The following KAZN variants were observed in gnomAD, a reference collection of about 807,000 sequenced individuals.
KAZN encodes the protein kazrin.
Under a neutral mutation model 87.4 loss-of-function variants are expected in KAZN, and 40 were observed. The observed-to-expected ratio is 0.46, with a 90% CI of 0.36 to 0.60. KAZN has a LOEUF of 0.60. Ranked by LOEUF, KAZN falls within the 20% of genes least tolerant of loss-of-function variation. The pLI is 0.00. For missense variants in KAZN, 898 were observed against 1,073.9 expected, an observed-to-expected ratio of 0.84 and a Z score of 2.29; for synonymous variants, 466 against 458.3, an observed-to-expected ratio of 1.02 and a Z score of -0.22.
At chr1:14,103,011 G>C (rs6676053) in intron 1 of KAZN, among the ~76,000 whole-genome samples, 3,049 of 151,718 alleles carry the variant, frequency 0.02, 87 homozygotes, top group South Asian at 0.066. Flanking sequence ...TGGGTTCAAA[G>C]GATTCTCATG....
intron 1 of KAZN, among the ~76,000 whole-genome samples, chr1:14,850,619 G>A (rs778947470): frequency 2.7e-4 from 41 of 152,250 alleles, no homozygotes; most frequent in South Asian, 1.0e-3. Flanking sequence ...GTTTGCTTTC[G>A]CTGTTGCAAA....
chr1:14,067,393 C>T (rs899705608), intron 1 of KAZN, among the ~76,000 whole-genome samples: 10 of 152,166 alleles, frequency 6.6e-5, no homozygotes, highest in African/African-American at 1.9e-4. Context: ...GAGACTAAAG[C>T]TTTGAAGTTA....
At chr1:14,664,458 AG>A (rs1357007646) in intron 1 of KAZN, among the ~76,000 whole-genome samples, 1 of 152,114 alleles carries the variant, frequency 6.6e-6, no homozygotes, top group Non-Finnish European at 1.5e-5. Flanking sequence ...GGCGGTTGCC[AG>A]GGGCAACCAT....
At chr1:14,840,994 T>C (rs1478674609) in intron 1 of KAZN, among the ~76,000 whole-genome samples, 1 of 152,198 alleles carries the variant, frequency 6.6e-6, no homozygotes, top group East Asian at 1.9e-4. Flanking sequence ...TTAATTCTGA[T>C]AGTGTAAGCA....
chr1:15,018,881 T>C (rs1179002990), intron 2 of KAZN, among the ~76,000 whole-genome samples: 1 of 152,234 alleles, frequency 6.6e-6, no homozygotes, highest in African/African-American at 2.4e-5. Flanking sequence ...CTGTGGATTC[T>C]AAAGCTCATC....
chr1:14,114,016 C>T (rs570904052), intron 1 of KAZN, among the ~76,000 whole-genome samples: 6 of 152,274 alleles, frequency 3.9e-5, no homozygotes, highest in African/African-American at 9.6e-5. Flanking sequence ...TGGCAGCAAA[C>T]GTCCAGGGGA....
At chr1:14,446,721 G>T (rs904314714) in intron 2 of KAZN, among the ~76,000 whole-genome samples, 1 of 152,112 alleles carries the variant, frequency 6.6e-6, no homozygotes, top group Non-Finnish European at 1.5e-5. Flanking sequence ...TCAGTCTAGT[G>T]CAAACCTCTC....
At chr1:14,208,766 G>A (rs1217688331) in intron 2 of KAZN, among the ~76,000 whole-genome samples, 3 of 152,160 alleles carry the variant, frequency 2.0e-5, no homozygotes, top group African/African-American at 7.2e-5. Context: ...AACATGCTGA[G>A]GGTCTCCTAG....
chr1:14,799,917 G>A (rs1205661577), intron 1 of KAZN, among the ~76,000 whole-genome samples: 3 of 152,262 alleles, frequency 2.0e-5, no homozygotes, highest in East Asian at 3.9e-4. Flanking sequence ...TAATGAAACG[G>A]TATTAGATAA....
At chr1:14,569,367 G>A (rs1296448171) in intron 2 of KAZN, among the ~76,000 whole-genome samples, 2 of 122,770 alleles carry the variant, frequency 1.6e-5, no homozygotes, top group Non-Finnish European at 3.1e-5. Flanking sequence ...CTGTCACCCA[G>A]GCTGGAGTGC....
At chr1:14,399,165 G>GTTTGTTTATTTATT (rs1358766642) in intron 2 of KAZN, among the ~76,000 whole-genome samples, 1 of 151,864 alleles carries the variant, frequency 6.6e-6, no homozygotes, top group African/African-American at 2.4e-5. Context: ...TGCCTGGCTA[G>GTTTGTTTATTTATT]TTTATTTATT....
At chr1:14,152,078 A>C (rs1452131200) in intron 1 of KAZN, among the ~76,000 whole-genome samples, 1 of 152,210 alleles carries the variant, frequency 6.6e-6, no homozygotes, top group Non-Finnish European at 1.5e-5. Context: ...TTTATGGGGT[A>C]TGTGAGATAT....
At position 15,112,496 on chromosome 1, in the gene KAZN, A is replaced by G. The variant is rs1641677850; in HGVS notation, c.2118A>G (p.Ala706=). Residue 706 remains alanine (A), a synonymous_variant, in exon 14 of 15, where the codon GCA becomes GCG. Transcript: ENST00000376030. The stretch of plus-strand genomic sequence containing the variant: ...GCAGGGCCTCCAGCGTCACGCGGGC[A>G]GGAAAGGAGGAGAACAGCAGCGGTC... ...PPGRASSVTR[A]GKEENSSGLK... 8 of 1,606,320 alleles carry G rather than the reference A, an allele frequency of 5.0e-6. No homozygotes were observed. The highest frequency in any genetic ancestry group is 6.8e-6 in the Non-Finnish European group (8 of 1,177,252).
intron 2 of KAZN, among the ~76,000 whole-genome samples, chr1:14,556,271 G>A (rs1385776252): frequency 1.3e-5 from 2 of 151,882 alleles, no homozygotes; most frequent in African/African-American, 2.4e-5. Context: ...CACCACACCC[G>A]GCTAATTTTT....
At chr1:14,480,994 A>G (rs1246950322) in intron 2 of KAZN, among the ~76,000 whole-genome samples, 1 of 151,158 alleles carries the variant, frequency 6.6e-6, no homozygotes, top group Non-Finnish European at 1.5e-5. Flanking sequence ...CAAGATGGAA[A>G]GGCAATGATG....
At chr1:14,851,386 G>T (rs915473980) in intron 1 of KAZN, among the ~76,000 whole-genome samples, 2 of 152,164 alleles carry the variant, frequency 1.3e-5, no homozygotes, top group African/African-American at 4.8e-5. Flanking sequence ...CTCCCATACT[G>T]CCAGCCTTCA....
intron 1 of KAZN, among the ~76,000 whole-genome samples, chr1:14,713,197 A>G (rs1261261351): frequency 6.6e-6 from 1 of 152,082 alleles, no homozygotes; most frequent in African/African-American, 2.4e-5. Flanking sequence ...GCTTGTTTTC[A>G]TGGTGATCCT....
chr1:14,753,613 G>A (rs1354667954), intron 1 of KAZN, among the ~76,000 whole-genome samples: 1 of 152,058 alleles, frequency 6.6e-6, no homozygotes, highest in East Asian at 1.9e-4. Flanking sequence ...ATAAAACACA[G>A]GAGAAAAATG....
At position 14,145,777 on chromosome 1, in the gene KAZN, C is replaced by T. The variant is rs183919289; in HGVS notation, c.92-34658C>T. The stretch of plus-strand genomic sequence containing the variant: ...TGTATTTTTAGTAGAGACAGGGTTT[C>T]GCCATGTTGGCTAGGCTGGTCTTGA... On this transcript the variant is annotated intron_variant, in intron 1 of 16. Transcript: ENST00000636203. Among the ~76,000 whole-genome samples the T allele has an allele frequency of 5.0e-3, 760 of 152,206 alleles. 3 individuals are homozygous for T. Among genetic ancestry groups the T allele is most frequent in the Non-Finnish European group, 7.7e-3 (526 of 68,018 alleles).
Sources: allele counts gnomAD v4.1 joint callset (sites outside exome capture counted in the v4.1 genomes callset), GRCh38; gene constraint gnomAD v4.1.1; transcripts MANE v1.5; gene names NCBI Gene and HGNC (gene_info 2026-07-23, HGNC 2026-07-21).